The following FRMD4A variants were observed in gnomAD, a reference collection of about 807,000 sequenced individuals.
FRMD4A encodes FERM domain containing 4A.
FRMD4A carries 29 observed loss-of-function variants against 129.1 expected under a neutral mutation model. That is an observed-to-expected ratio of 0.22 (90% confidence interval 0.17 to 0.31). The LOEUF (loss-of-function observed/expected upper bound fraction) is 0.31. Among genes scored for constraint, FRMD4A ranks in the 10% least tolerant of loss-of-function variants. The probability of loss-of-function intolerance (pLI) is 1.00; values close to 1 mark genes in which losing one functional copy is unlikely to be tolerated. For missense variants in FRMD4A, 1,272 were observed against 1,375.8 expected, an observed-to-expected ratio of 0.92 and a Z score of 1.19; for synonymous variants, 634 against 571.6, an observed-to-expected ratio of 1.11 and a Z score of -1.56.
At chr10:14,061,212 G>A (rs376954229) in intron 2 of FRMD4A, among the ~76,000 whole-genome samples, 31 of 152,254 alleles carry the variant, frequency 2.0e-4, no homozygotes, top group East Asian at 1.9e-3. Context: ...TTTGGAGGCC[G>A]AAGCGGGTGG....
At chr10:13,728,573 C>CTTTTTTTTTTTTTTTTTTTTGTTT (rs10706168) in intron 12 of FRMD4A, among the ~76,000 whole-genome samples, 1 of 78,372 alleles carries the variant, frequency 1.3e-5, no homozygotes, top group South Asian at 5.5e-4. Flanking sequence ...GATTACCATT[C>CTTTTTTTTTTTTTTTTTTTTGTTT]TTTTTTTTTT....
At chr10:13,906,730 T>A (rs1036321650) in intron 2 of FRMD4A, among the ~76,000 whole-genome samples, 2 of 152,202 alleles carry the variant, frequency 1.3e-5, no homozygotes, top group Non-Finnish European at 2.9e-5. Context: ...AGTCTTGTCC[T>A]AAATAACTGT....
At chr10:13,666,801 ACT>A (rs776733751) in intron 17 of FRMD4A, among the ~76,000 whole-genome samples, 32 of 151,670 alleles carry the variant, frequency 2.1e-4, no homozygotes, top group Non-Finnish European at 3.8e-4. Flanking sequence ...TGACTCTCAC[ACT>A]GTGTGCCCCT....
intron 3 of FRMD4A, among the ~76,000 whole-genome samples, chr10:13,835,656 G>A (rs2093861923): frequency 6.6e-6 from 1 of 152,154 alleles, no homozygotes; most frequent in Admixed American, 6.6e-5. Context: ...AATGCCTGAT[G>A]ATGTGTCACT....
At position 14,284,608 on chromosome 10, in the gene FRMD4A, G is replaced by A. The variant is rs138341566; in HGVS notation, c.45+45450C>T. Among the ~76,000 whole-genome samples the A allele has an allele frequency of 5.4e-4, 82 of 152,274 alleles. 1 individual carries two copies. The East Asian group carries it at 0.013, about 24-fold the overall frequency. The stretch of plus-strand genomic sequence containing the variant: ...GCAGAGGTTGCAGTGAGTCGAGATC[G>A]CGCCACTGCATTCCAGCCTGGGCGA... On this transcript the variant is annotated intron_variant, in intron 2 of 24. Transcript: ENST00000357447.
At chr10:14,169,810 T>C (rs548304349) in intron 2 of FRMD4A, among the ~76,000 whole-genome samples, 1 of 152,344 alleles carries the variant, frequency 6.6e-6, no homozygotes, top group South Asian at 2.1e-4. Flanking sequence ...AGATAAAGTA[T>C]AGGCTGTCAT....
Position 14,154,265 on chromosome 10 carries a change from A to G in FRMD4A, c.45+175793T>C, listed in dbSNP as rs549098616. 2.0e-5 allele frequency among the ~76,000 whole-genome samples: 3 copies of G among 152,282 alleles called. No individual in the cohort carries two copies. In the South Asian group the frequency reaches 6.2e-4, roughly 32 times the overall value. ...AAATGGTAGACCAGATGAGGAGCCA[A>G]AGCTGAAGACGAGTGAATTACCCCC... On this transcript the variant is annotated intron_variant, in intron 2 of 24. Transcript: ENST00000357447.
At chr10:13,983,505 AT>A (rs1260977717) in intron 2 of FRMD4A, among the ~76,000 whole-genome samples, 1 of 151,982 alleles carries the variant, frequency 6.6e-6, no homozygotes, top group East Asian at 1.9e-4. Context: ...ATATATATAT[AT>A]TTTTTTCCAG....
intron 2 of FRMD4A, among the ~76,000 whole-genome samples, chr10:14,321,741 G>C (rs1843061794): frequency 6.6e-6 from 1 of 152,150 alleles, no homozygotes; most frequent in South Asian, 2.1e-4. Flanking sequence ...AGGAAGACCA[G>C]GTAAGAGGCC....
chr10:13,941,933 A>G (rs1588450022), intron 2 of FRMD4A, among the ~76,000 whole-genome samples: 1 of 152,140 alleles, frequency 6.6e-6, no homozygotes, highest in Admixed American at 6.5e-5. Flanking sequence ...CCTGGTCTGG[A>G]ACTGCCCTGA....
Position 14,066,008 on chromosome 10 carries a change from T to TTGTGTGTGTGTGTG in FRMD4A, c.46-207110_46-207097dup, listed in dbSNP as rs61167438. Among the ~76,000 whole-genome samples the TTGTGTGTGTGTGTG allele has an allele frequency of 8.2e-3, 1,140 of 139,202 alleles. 19 individuals are homozygous for TTGTGTGTGTGTGTG. The highest frequency in any genetic ancestry group is 0.026 in the Admixed American group (358 of 13,748). The allele number at this position is 139,202 out of a possible 152,430, so 91.3% of individuals were successfully genotyped here. A position where few individuals can be genotyped will look rare whatever the true frequency, so the allele number is the denominator to read the frequency against. The stretch of plus-strand genomic sequence containing the variant: ...GGAAGTATGAAGTGGGGGTATGTAT[T>TTGTGTGTGTGTGTG]TGTGTGTGTGTGTGTGTGTGTGTGT... On this transcript the variant is annotated intron_variant, in intron 2 of 24. Coordinates refer to ENST00000357447, the MANE Select transcript of FRMD4A (RefSeq NM_018027.5).
intron 2 of FRMD4A, among the ~76,000 whole-genome samples, chr10:14,298,472 CCCTGCCTGAGGG>C (rs1846081008): frequency 3.9e-5 from 6 of 152,184 alleles, no homozygotes; most frequent in Non-Finnish European, 8.8e-5. Flanking sequence ...GACACCCATG[CCCTGCCTGAGGG>C]AAGCCTCCAC....
chr10:14,312,647 A>G (rs1846591703), intron 2 of FRMD4A, among the ~76,000 whole-genome samples: 2 of 152,200 alleles, frequency 1.3e-5, no homozygotes, highest in Non-Finnish European at 2.9e-5. Flanking sequence ...CATTCATACA[A>G]TATAATACTA....
chr10:13,804,606 T>TG (rs2093327375), intron 4 of FRMD4A, among the ~76,000 whole-genome samples: 1 of 151,460 alleles, frequency 6.6e-6, no homozygotes, highest in African/African-American at 2.4e-5. Context: ...TTCAGTGGCA[T>TG]GATCTTGGCT....
intron 2 of FRMD4A, among the ~76,000 whole-genome samples, chr10:13,918,826 C>T (rs939577824): frequency 2.0e-5 from 3 of 151,940 alleles, no homozygotes; most frequent in African/African-American, 7.3e-5. Flanking sequence ...TCATGCCCCG[C>T]CAGTCAATAC....
At position 14,261,987 on chromosome 10, in the gene FRMD4A, C is replaced by CACACACACACA. The variant is rs3222480; in HGVS notation, c.45+68070_45+68071insTGTGTGTGTGT. Reference sequence around the variant, plus strand: ...ACACACACACACACACACACACACACCTCATTTTCCCTAGTTCCCCTCTCT... The same window carrying CACACACACACA: ...ACACACACACACACACACACACACACACACACACACACTCATTTTCCCTAGTTCCCCTCTCT... On this transcript the variant is annotated intron_variant, in intron 2 of 24. Transcript: ENST00000357447. Among the ~76,000 whole-genome samples, 14 of 146,224 alleles carry CACACACACACA rather than the reference C, an allele frequency of 9.6e-5. No homozygotes were observed. In the East Asian group the frequency reaches 2.2e-3, roughly 23 times the overall value.
intron 3 of FRMD4A, among the ~76,000 whole-genome samples, chr10:13,856,362 G>A (rs150058913): frequency 4.5e-4 from 69 of 152,042 alleles, no homozygotes; most frequent in Admixed American, 9.2e-4. Flanking sequence ...CATTCAACAA[G>A]TCTTTATTTA....
At chr10:13,802,422 A>G (rs1326213536) in intron 4 of FRMD4A, among the ~76,000 whole-genome samples, 1 of 152,102 alleles carries the variant, frequency 6.6e-6, no homozygotes, top group East Asian at 1.9e-4. Context: ...ATGAGTTTCT[A>G]CAGAAATCCA....
At chr10:14,271,696 A>C (rs905676745) in intron 2 of FRMD4A, among the ~76,000 whole-genome samples, 1 of 152,210 alleles carries the variant, frequency 6.6e-6, no homozygotes, top group South Asian at 2.1e-4. Context: ...ATCTGGGATA[A>C]CTTTGCATTA....
Sources: gnomAD v4.1 joint callset for allele counts (sites outside exome capture counted in the v4.1 genomes callset) on GRCh38, gnomAD v4.1.1 for gene constraint, MANE v1.5 for transcripts, NCBI Gene and HGNC (gene_info 2026-07-23, HGNC 2026-07-21) for gene names.